The following ZFAT variants were observed in gnomAD, a reference collection of about 807,000 sequenced individuals.
ZFAT encodes zinc finger protein ZFAT.
A neutral mutation model predicts 117.7 loss-of-function variants in ZFAT; 64 were observed. The ratio of observed to expected loss-of-function variants is 0.54; its 90% CI spans 0.44 to 0.67. The LOEUF is 0.67. ZFAT is among the 30% of genes least tolerant of loss of function. ZFAT has a pLI of 0.00. For synonymous variants in ZFAT, 679 were observed against 615.0 expected (o/e 1.10, Z -1.54); for missense variants, 1,433 against 1,584.5 (o/e 0.90, Z 1.62).
At chr8:134,741,967 G>A in the ZFAT span, among the ~76,000 whole-genome samples, 41 of 151,430 alleles carry the variant, frequency 2.7e-4, no homozygotes, top group Non-Finnish European at 5.4e-4. Context: ...CTTCACCTGC[G>A]TACTTCTCCC....
intron 7 of ZFAT, among the ~76,000 whole-genome samples, chr8:134,596,840 C>T (rs941238917): frequency 6.6e-6 from 1 of 151,958 alleles, no homozygotes; most frequent in Non-Finnish European, 1.5e-5. Context: ...ACAGGCAAAT[C>T]CACAGATATA....
chr8:134,728,801 G>T, the ZFAT span, among the ~76,000 whole-genome samples: 87 of 152,280 alleles, frequency 5.7e-4, no homozygotes, highest in African/African-American at 1.3e-3. Context: ...ACGTATATAA[G>T]AATGTTTATG....
At chr8:134,512,740 A>G (rs942494421) in intron 13 of ZFAT, 139 bp from the exon 14 acceptor site, 2 of 1,123,514 alleles carry the variant, frequency 1.8e-6, no homozygotes, top group Admixed American at 5.3e-5. Context: ...GGCACCCCTG[A>G]GAAACCAGTT....
At chr8:134,717,466 C>CTTTTTTTTTTT (rs746460924), upstream of ZFAT, among the ~76,000 whole-genome samples, 258 of 19,344 alleles carry the variant, frequency 0.013, 107 homozygotes, top group Middle Eastern at 0.062. Context: ...AATAACAACT[C>CTTTTTTTTTTT]TTTTTTTTTT....
Position 134,702,429 on chromosome 8 carries a change from G to A in ZFAT, c.19+10416C>T, listed in dbSNP as rs191653190. Reference sequence around the variant, plus strand: ...ATTGTAGCCCCCATAATTCCCACACGTTGTAGGAGGAACCCAATGGGAGAT... The same window carrying A: ...ATTGTAGCCCCCATAATTCCCACACATTGTAGGAGGAACCCAATGGGAGAT... On this transcript the variant is annotated intron_variant, in intron 1 of 15. Transcript: ENST00000377838. 7.4e-4 allele frequency among the ~76,000 whole-genome samples: 112 copies of A among 152,208 alleles called. No homozygotes were observed. The East Asian group carries it at 0.012, about 16-fold the overall frequency.
At chr8:134,815,691 C>A in the ZFAT span, among the ~76,000 whole-genome samples, 3 of 152,158 alleles carry the variant, frequency 2.0e-5, no homozygotes, top group Non-Finnish European at 4.4e-5. Flanking sequence ...ACTTTAGAGG[C>A]TTTGCACTAT....
chr8:134,531,007 T>C (rs1230662781), intron 12 of ZFAT, among the ~76,000 whole-genome samples: 1 of 152,126 alleles, frequency 6.6e-6, no homozygotes, highest in African/African-American at 2.4e-5. Flanking sequence ...GGAACAACTG[T>C]GAATATATAT....
intron 15 of ZFAT, among the ~76,000 whole-genome samples, chr8:134,503,001 C>T (rs1819110045): frequency 1.3e-5 from 2 of 152,224 alleles, no homozygotes; most frequent in South Asian, 4.1e-4. Context: ...CCATCCCCAC[C>T]CCAGGCTCAT....
At position 134,592,919 on chromosome 8, in the gene ZFAT, C is replaced by T. The variant is rs78872349; in HGVS notation, c.2476-2564G>A. Among the ~76,000 whole-genome samples the T allele has an allele frequency of 1.1e-3, 168 of 152,324 alleles. 1 individual carries two copies. Among genetic ancestry groups the T allele is most frequent in the Non-Finnish European group, 1.9e-3 (131 of 68,024 alleles). On this transcript the variant is annotated intron_variant, in intron 7 of 15. Coordinates refer to ENST00000377838, the MANE Select transcript of ZFAT (RefSeq NM_020863.4). Reference sequence around the variant, plus strand: ...CACCAAACATCTGAATACCAAGCAACGACAGCCAACCACACATGTCCAAGG... The same window carrying T: ...CACCAAACATCTGAATACCAAGCAATGACAGCCAACCACACATGTCCAAGG...
chr8:134,695,718 C>T lies in ZFAT; in HGVS notation c.19+17127G>A, dbSNP rs539681235. 3.3e-3 allele frequency among the ~76,000 whole-genome samples: 496 copies of T among 149,058 alleles called. 4 individuals are homozygous for T. Among genetic ancestry groups the T allele is most frequent in the African/African-American group, 0.011 (450 of 40,450 alleles). On this transcript the variant is annotated intron_variant, in intron 1 of 15. Coordinates refer to ENST00000377838, the MANE Select transcript of ZFAT (RefSeq NM_020863.4). ...CAGGCAGCATCTCTAACCAAGGAGG[C>T]GCTGCCCCCAGGCCTTGCCCGCATC...
chr8:134,586,337 C>CT (rs1826066670), intron 9 of ZFAT, among the ~76,000 whole-genome samples: 1 of 152,210 alleles, frequency 6.6e-6, no homozygotes, highest in African/African-American at 2.4e-5. Flanking sequence ...CCAATATGTG[C>CT]TAAGCCTTCT....
At chr8:134,595,185 T>C (rs1276723720) in intron 7 of ZFAT, among the ~76,000 whole-genome samples, 1 of 152,240 alleles carries the variant, frequency 6.6e-6, no homozygotes, top group African/African-American at 2.4e-5. Flanking sequence ...CACTGACAGA[T>C]AAACATTTAA....
the ZFAT span, among the ~76,000 whole-genome samples, chr8:134,758,780 T>C: frequency 6.6e-6 from 1 of 152,208 alleles, no homozygotes; most frequent in African/African-American, 2.4e-5. Flanking sequence ...GAGCAAATGT[T>C]CCATCAAGGA....
the ZFAT span, among the ~76,000 whole-genome samples, chr8:134,732,823 G>A: frequency 6.6e-6 from 1 of 152,160 alleles, no homozygotes; most frequent in Admixed American, 6.5e-5. Flanking sequence ...GAGTGGAGAG[G>A]AATGGGCACA....
At chr8:134,796,718 T>TG in the ZFAT span, 1 of 152,334 alleles carries the variant, frequency 6.6e-6, no homozygotes, top group South Asian at 2.1e-4. Context: ...GAATAGCAGT[T>TG]GGACATTCTT....
At chr8:134,582,189 C>G (rs1176549521) in intron 10 of ZFAT, among the ~76,000 whole-genome samples, 1 of 152,232 alleles carries the variant, frequency 6.6e-6, no homozygotes, top group Admixed American at 6.5e-5. Flanking sequence ...ATACCACCAA[C>G]TACTCACACC....
chr8:134,593,900 T>C (rs1316183633), intron 7 of ZFAT, among the ~76,000 whole-genome samples: 2 of 152,184 alleles, frequency 1.3e-5, no homozygotes, highest in Non-Finnish European at 2.9e-5. Context: ...CGAATGCTCA[T>C]CAAGAAAGAG....
chr8:134,607,007 T>G (rs1415475475), intron 5 of ZFAT, among the ~76,000 whole-genome samples: 2 of 152,192 alleles, frequency 1.3e-5, no homozygotes, highest in African/African-American at 4.8e-5. Context: ...AGTAAAATCC[T>G]TACGCAAAAA....
the ZFAT span, among the ~76,000 whole-genome samples, chr8:134,747,252 C>G: frequency 6.6e-6 from 1 of 151,996 alleles, no homozygotes; most frequent in Non-Finnish European, 1.5e-5. Context: ...CCACACCCAG[C>G]TAATTTTTAA....
Sources: gnomAD v4.1 joint callset for allele counts (sites outside exome capture counted in the v4.1 genomes callset) on GRCh38, gnomAD v4.1.1 for gene constraint, MANE v1.5 for transcripts, NCBI Gene and HGNC (gene_info 2026-07-23, HGNC 2026-07-21) for gene names.